Variants in ST7 observed in about 807,000 individuals in gnomAD.
ST7 encodes suppressor of tumorigenicity 7 protein.
In ST7, 28 loss-of-function variants were observed where a neutral mutation model predicts 78.7. That is an observed-to-expected ratio of 0.36 (90% CI 0.26 to 0.49). The LOEUF is 0.49. ST7 is among the 20% of genes least tolerant of loss of function. The pLI, the probability that ST7 is intolerant of heterozygous loss-of-function variation, is 0.99. For synonymous variants in ST7, 247 were observed against 249.6 expected (o/e 0.99, Z 0.10); for missense variants, 418 against 696.0 (o/e 0.60, Z 4.49).
chr7:117,028,744 G>A (rs1279787689), intron 1 of ST7, among the ~76,000 whole-genome samples: 1 of 152,160 alleles, frequency 6.6e-6, no homozygotes, highest in Non-Finnish European at 1.5e-5. Flanking sequence ...CTCATGAAGG[G>A]TCTCTTGCAG....
chr7:117,020,717 TAGG>T (rs1795855571), intron 1 of ST7: 1 of 1,522,520 alleles, frequency 6.6e-7, no homozygotes, highest in Admixed American at 2.1e-5. Context: ...CACTTTGCCT[TAGG>T]TCATTAACAA....
intron 1 of ST7, among the ~76,000 whole-genome samples, chr7:117,062,910 A>G (rs890231579): frequency 1.3e-5 from 2 of 152,204 alleles, no homozygotes; most frequent in Admixed American, 6.5e-5. Flanking sequence ...ATCCCCCTAC[A>G]TAGTCAGATA....
intron 12 of ST7, among the ~76,000 whole-genome samples, chr7:117,201,410 C>T (rs1810834727): frequency 6.6e-6 from 1 of 152,182 alleles, no homozygotes; most frequent in Non-Finnish European, 1.5e-5. Context: ...CCCCACCAGG[C>T]TCATTACCTC....
At chr7:117,148,704 A>G (rs1314372823) in intron 9 of ST7, among the ~76,000 whole-genome samples, 2 of 152,182 alleles carry the variant, frequency 1.3e-5, no homozygotes, top group Non-Finnish European at 2.9e-5. Flanking sequence ...CACTATGTCA[A>G]TATCTATAAA....
intron 1 of ST7, among the ~76,000 whole-genome samples, chr7:117,003,693 A>G (rs1795038907): frequency 6.6e-6 from 1 of 152,186 alleles, no homozygotes; most frequent in African/African-American, 2.4e-5. Context: ...TCAGCCTCCC[A>G]AAGTGCTAGC....
chr7:116,995,544 C>T (rs1351294675), intron 1 of ST7, among the ~76,000 whole-genome samples: 2 of 152,206 alleles, frequency 1.3e-5, no homozygotes, highest in Non-Finnish European at 2.9e-5. Flanking sequence ...GGGAAGCAAT[C>T]CTGAGTGAGA....
intron 9 of ST7, among the ~76,000 whole-genome samples, chr7:117,151,909 C>T (rs572000866): frequency 4.5e-4 from 69 of 152,008 alleles, no homozygotes; most frequent in African/African-American, 1.6e-3. Context: ...CACTTGAGGT[C>T]AGGCATTTGA....
intron 9 of ST7, among the ~76,000 whole-genome samples, chr7:117,142,894 G>A (rs1477815140): frequency 2.6e-5 from 4 of 152,194 alleles, no homozygotes; most frequent in Admixed American, 2.0e-4. Context: ...ACAGGCATGA[G>A]CCACTGTGCC....
rs546556412 is a variant in ST7 at position 116,982,856 on chromosome 7, T to C, written c.151+29165T>C. ...TCTCAGGGGAGAGTAAGGGAATATA[T>C]GTATATATTCATATATAGATCTATG... On this transcript the variant is annotated intron_variant, in intron 1 of 15. Coordinates refer to ENST00000323984, the MANE Select transcript of ST7 (RefSeq NM_001369598.1). 1.4e-4 allele frequency among the ~76,000 whole-genome samples: 21 copies of C among 152,338 alleles called. No homozygotes were observed. The South Asian group carries it at 3.5e-3, about 26-fold the overall frequency.
intron 2 of ST7, among the ~76,000 whole-genome samples, chr7:117,102,270 G>A (rs1013140641): frequency 3.3e-5 from 5 of 152,130 alleles, no homozygotes; most frequent in Non-Finnish European, 7.4e-5. Context: ...TCGGGGCGGG[G>A]GCAGGAACTC....
intron 15 of ST7, among the ~76,000 whole-genome samples, chr7:117,225,067 T>C (rs542210169): frequency 6.6e-6 from 1 of 152,286 alleles, no homozygotes; most frequent in African/African-American, 2.4e-5. Context: ...ATAGAATGAA[T>C]AATTGCCTGA....
chr7:117,076,244 A>T (rs903053897), intron 1 of ST7, among the ~76,000 whole-genome samples: 1 of 152,264 alleles, frequency 6.6e-6, no homozygotes, highest in Non-Finnish European at 1.5e-5. Flanking sequence ...AATTTAAAAA[A>T]TAGATTATAA....
At chr7:117,117,548 G>T (rs1289017866) in intron 2 of ST7, among the ~76,000 whole-genome samples, 4 of 152,096 alleles carry the variant, frequency 2.6e-5, no homozygotes, top group Non-Finnish European at 5.9e-5. Flanking sequence ...TCTATTGAGG[G>T]CCTTGTTGAG....
chr7:117,157,119 G>C (rs771178400), intron 9 of ST7, among the ~76,000 whole-genome samples: 1 of 152,136 alleles, frequency 6.6e-6, no homozygotes, highest in Non-Finnish European at 1.5e-5. Flanking sequence ...TCTGTTACTT[G>C]GTAGAATACA....
intron 3 of ST7, among the ~76,000 whole-genome samples, chr7:117,129,488 A>G (rs1563104468): frequency 6.6e-6 from 1 of 151,954 alleles, no homozygotes; most frequent in African/African-American, 2.4e-5. Context: ...AAGTAAATTC[A>G]TAGAATCAGT....
intron 6 of ST7, among the ~76,000 whole-genome samples, chr7:117,132,615 C>T (rs917885063): frequency 6.6e-5 from 10 of 150,914 alleles, no homozygotes; most frequent in Non-Finnish European, 1.2e-4. Flanking sequence ...GCCAAGTGGT[C>T]ATTGTTAAAC....
chr7:117,124,537 AT>A (rs1803669912), intron 3 of ST7, among the ~76,000 whole-genome samples: 1 of 152,146 alleles, frequency 6.6e-6, no homozygotes, highest in South Asian at 2.1e-4. Context: ...TAAAATAATA[AT>A]TTTAGTAAAA....
At chr7:116,957,541 A>G (rs1370177459) in intron 1 of ST7, among the ~76,000 whole-genome samples, 2 of 152,182 alleles carry the variant, frequency 1.3e-5, no homozygotes, top group Non-Finnish European at 2.9e-5. Flanking sequence ...TTTGGATACA[A>G]TAGTGTTAAA....
chr7:116,978,738 A>G (rs1214723300), intron 1 of ST7, among the ~76,000 whole-genome samples: 2 of 152,028 alleles, frequency 1.3e-5, no homozygotes, highest in African/African-American at 4.8e-5. Context: ...GGCATGCACC[A>G]CCAGGTCCAG....
Sources: allele counts gnomAD v4.1 joint callset (sites outside exome capture counted in the v4.1 genomes callset), GRCh38; gene constraint gnomAD v4.1.1; transcripts MANE v1.5; gene names NCBI Gene and HGNC (gene_info 2026-07-23, HGNC 2026-07-21).